The following BBS9 variants were observed in gnomAD, a reference collection of about 807,000 sequenced individuals.
BBS9 encodes the protein Bardet-Biedl syndrome 9.
BBS9 carries 89 observed loss-of-function variants against 117.7 expected under a neutral mutation model. The observed-to-expected ratio is 0.76, with a 90% CI of 0.64 to 0.90. The LOEUF is 0.90. Ranked by LOEUF, BBS9 falls within the 40% of genes least tolerant of loss-of-function variation. The pLI is 0.00. For synonymous variants in BBS9, 379 were observed against 370.9 expected (o/e 1.02, Z -0.25); for missense variants, 982 against 1,042.2 (o/e 0.94, Z 0.80).
intron 19 of BBS9, among the ~76,000 whole-genome samples, chr7:33,406,223 C>A (rs1368779136): frequency 6.6e-6 from 1 of 152,054 alleles, no homozygotes; most frequent in Non-Finnish European, 1.5e-5. Context: ...GTTATAATTT[C>A]TGTTCTTTTA....
intron 21 of BBS9, among the ~76,000 whole-genome samples, chr7:33,626,601 G>C (rs1865648439): frequency 6.6e-6 from 1 of 152,204 alleles, no homozygotes; most frequent in African/African-American, 2.4e-5. Context: ...GTCTCAGATA[G>C]AGGTGAGGAA....
At chr7:33,605,075 G>A in intron 22 of BBS9, 100 bp downstream of exon 22, 1 of 1,466,248 alleles carries the variant, frequency 6.8e-7, no homozygotes, top group Non-Finnish European at 9.6e-7. Flanking sequence ...AAAGCTGCTT[G>A]TTTTCCAATT....
intron 19 of BBS9, among the ~76,000 whole-genome samples, chr7:33,412,452 T>C (rs1479763634): frequency 1.3e-5 from 2 of 152,224 alleles, no homozygotes; most frequent in Non-Finnish European, 2.9e-5. Context: ...CTTCTGTTTC[T>C]GCCAGTAATT....
intron 19 of BBS9, among the ~76,000 whole-genome samples, chr7:33,476,513 T>G (rs2128964630): frequency 6.6e-6 from 1 of 152,356 alleles, no homozygotes; most frequent in Admixed American, 6.5e-5. Flanking sequence ...CATTTCCTCC[T>G]TGGCTCCAAC....
chr7:33,474,190 T>C (rs1841478158), intron 19 of BBS9, among the ~76,000 whole-genome samples: 1 of 152,200 alleles, frequency 6.6e-6, no homozygotes, highest in Non-Finnish European at 1.5e-5. Context: ...TTTAAATTGC[T>C]CTGGTTACAA....
intron 5 of BBS9, among the ~76,000 whole-genome samples, chr7:33,229,907 C>T (rs1792003752): frequency 6.6e-6 from 1 of 152,108 alleles, no homozygotes; most frequent in Non-Finnish European, 1.5e-5. Flanking sequence ...TTCTCTACAC[C>T]ACTGCCAACA....
intron 4 of BBS9, among the ~76,000 whole-genome samples, chr7:33,174,466 T>A (rs576910916): frequency 6.6e-6 from 1 of 152,320 alleles, no homozygotes; most frequent in African/African-American, 2.4e-5. Flanking sequence ...TGCAGCCACA[T>A]AGTAGAAGAT....
At chr7:33,300,413 C>T (rs1473925168) in intron 9 of BBS9, among the ~76,000 whole-genome samples, 7 of 152,160 alleles carry the variant, frequency 4.6e-5, no homozygotes, top group Non-Finnish European at 8.8e-5. Flanking sequence ...TGAGAAAATA[C>T]TTTCTCAATG....
At chr7:33,222,777 C>T (rs7777101) in intron 5 of BBS9, among the ~76,000 whole-genome samples, 22,285 of 151,368 alleles carry the variant, frequency 0.15, 1,983 homozygotes, top group South Asian at 0.23. Context: ...GTTAAACCCC[C>T]GTGTCTACTA....
intron 21 of BBS9, among the ~76,000 whole-genome samples, chr7:33,577,157 G>A (rs1347821641): frequency 6.6e-6 from 1 of 152,088 alleles, no homozygotes; most frequent in Non-Finnish European, 1.5e-5. Flanking sequence ...TTACCCATCT[G>A]ACAAAGGGCT....
intron 19 of BBS9, chr7:33,390,424 C>T: frequency 1.0e-6 from 1 of 984,844 alleles, no homozygotes. Flanking sequence ...CGATCAAAAC[C>T]ATGGCTTTTC....
At chr7:33,575,336 C>T (rs949980557) in intron 21 of BBS9, among the ~76,000 whole-genome samples, 3 of 152,114 alleles carry the variant, frequency 2.0e-5, no homozygotes, top group Non-Finnish European at 2.9e-5. Context: ...GGTACACATA[C>T]ACCCTCCCAA....
chr7:33,583,785 A>G (rs1176367662), intron 21 of BBS9, among the ~76,000 whole-genome samples: 1 of 152,102 alleles, frequency 6.6e-6, no homozygotes, highest in African/African-American at 2.4e-5. Flanking sequence ...ATAGCTTCGC[A>G]CTAACTAGCT....
intron 4 of BBS9, among the ~76,000 whole-genome samples, chr7:33,167,391 G>C (rs1174193261): frequency 6.7e-6 from 1 of 149,912 alleles, no homozygotes; most frequent in Non-Finnish European, 1.5e-5. Flanking sequence ...GTTCATTAAA[G>C]TTCTGAGAAT....
chr7:33,182,360 A>G (rs1583507682), intron 5 of BBS9, among the ~76,000 whole-genome samples: 1 of 152,302 alleles, frequency 6.6e-6, no homozygotes, highest in East Asian at 1.9e-4. Flanking sequence ...ACCAGACAGA[A>G]GTGCAGATAA....
intron 21 of BBS9, among the ~76,000 whole-genome samples, chr7:33,572,074 C>G (rs1313163005): frequency 6.6e-6 from 1 of 151,840 alleles, no homozygotes; most frequent in Non-Finnish European, 1.5e-5. Context: ...CTATCCAAAC[C>G]TTTTTATCCC....
intron 21 of BBS9, among the ~76,000 whole-genome samples, chr7:33,553,922 T>C (rs1360294845): frequency 6.6e-6 from 1 of 152,078 alleles, no homozygotes; most frequent in Non-Finnish European, 1.5e-5. Context: ...TTGCAGGTTA[T>C]ATTAAGTACA....
At chr7:33,491,317 C>T (rs186799494) in intron 19 of BBS9, among the ~76,000 whole-genome samples, 4 of 152,194 alleles carry the variant, frequency 2.6e-5, no homozygotes, top group Admixed American at 1.3e-4. Context: ...TTAAATGTGG[C>T]GTATCCTGAT....
At chr7:33,513,438 T>C (rs536028794) in intron 20 of BBS9, among the ~76,000 whole-genome samples, 3 of 152,330 alleles carry the variant, frequency 2.0e-5, no homozygotes, top group African/African-American at 7.2e-5. Flanking sequence ...CCCACAGAAT[T>C]AAAGCAATTA....
Sources: allele counts gnomAD v4.1 joint callset (sites outside exome capture counted in the v4.1 genomes callset), GRCh38; gene constraint gnomAD v4.1.1; transcripts MANE v1.5; gene names NCBI Gene and HGNC (gene_info 2026-07-23, HGNC 2026-07-21).